Variants in TRPC6 observed in about 807,000 individuals in gnomAD.
TRPC6 encodes the protein transient receptor potential cation channel subfamily C member 6, also known as short transient receptor potential channel 6.
TRPC6 carries 55 observed loss-of-function variants against 90.7 expected under a neutral mutation model. That is an observed-to-expected ratio of 0.61 (90% CI 0.49 to 0.76). The LOEUF is 0.76. Ranked by LOEUF, TRPC6 falls within the 30% of genes least tolerant of loss-of-function variation. The pLI, the probability that TRPC6 is intolerant of heterozygous loss-of-function variation, is 0.00. For missense variants in TRPC6, 989 were observed against 1,122.7 expected (o/e 0.88, Z 1.70); for synonymous variants, 393 against 393.0 (o/e 1.00, Z 0.00).
At chr11:101,566,565 G>T (rs73584483) in intron 1 of TRPC6, among the ~76,000 whole-genome samples, 4,371 of 152,188 alleles carry the variant, frequency 0.029, 118 homozygotes, top group African/African-American at 0.069. Context: ...TATCACCCAG[G>T]TCTTATTACT....
At chr11:101,509,802 T>C (rs1157897774) in intron 1 of TRPC6, among the ~76,000 whole-genome samples, 2 of 152,162 alleles carry the variant, frequency 1.3e-5, no homozygotes, top group Non-Finnish European at 2.9e-5. Flanking sequence ...AATTTTTAGA[T>C]ACATTTTTAT....
At chr11:101,478,487 T>C (rs1859466542) in intron 5 of TRPC6, among the ~76,000 whole-genome samples, 2 of 152,192 alleles carry the variant, frequency 1.3e-5, no homozygotes, top group African/African-American at 4.8e-5. Flanking sequence ...CCTCCCACTT[T>C]TCCATTTTCT....
Position 101,452,906 on chromosome 11 carries a change from A to G in TRPC6, c.*49T>C, listed in dbSNP as rs200164641. On this transcript the variant is annotated 3_prime_UTR_variant, in exon 13 of 13. Transcript: ENST00000344327. The stretch of plus-strand genomic sequence containing the variant: ...TTAAGAAAATAAATCAGAAAATAAT[A>G]TGGCTTCAAGTGGACAAATAAATAT... The G allele has an allele frequency of 7.5e-6, 12 of 1,606,812 alleles. No individual in the cohort carries two copies. The highest frequency in any genetic ancestry group is 1.1e-5 in the South Asian group (1 of 90,596).
intron 5 of TRPC6, among the ~76,000 whole-genome samples, chr11:101,479,735 A>G (rs946865634): frequency 6.6e-6 from 1 of 152,224 alleles, no homozygotes; most frequent in Non-Finnish European, 1.5e-5. Context: ...CCCTTTAAAT[A>G]AACAGTGTTA....
rs200907025 is a variant in TRPC6, at chr11:101,452,102, T to C, written c.*853A>G. The C allele has an allele frequency of 2.0e-5, 3 of 152,188 alleles. No individual in the cohort carries two copies. The highest frequency in any genetic ancestry group is 2.9e-5 in the Non-Finnish European group (2 of 68,026). 9.4% of individuals were successfully genotyped at this position (152,188 alleles called of 1,614,324 possible). On this transcript the variant is annotated 3_prime_UTR_variant, in exon 13 of 13. Coordinates refer to ENST00000344327, the MANE Select transcript of TRPC6 (RefSeq NM_004621.6). Reference sequence around the variant, plus strand: ...CCAGAAATGGCACAAAATTGTGCTATAATGGAACCAAACAACCACAGTGTT... The same window carrying C: ...CCAGAAATGGCACAAAATTGTGCTACAATGGAACCAAACAACCACAGTGTT...
At chr11:101,501,939 A>G (rs893616610) in intron 2 of TRPC6, among the ~76,000 whole-genome samples, 1 of 152,172 alleles carries the variant, frequency 6.6e-6, no homozygotes, top group Non-Finnish European at 1.5e-5. Context: ...AAATACATTT[A>G]TGTTTTCAGT....
intron 1 of TRPC6, among the ~76,000 whole-genome samples, chr11:101,580,200 G>T (rs1565255618): frequency 6.6e-6 from 1 of 152,068 alleles, no homozygotes; most frequent in Non-Finnish European, 1.5e-5. Flanking sequence ...CAGATCCTGA[G>T]ATTTTAGAAA....
rs757404318 is a variant in TRPC6 at position 101,548,476 on chromosome 11, A to ATCTC, written c.170+34854_170+34857dup. ...TATACTGATATATATATATATATAT[A>ATCTC]TCTCTCTCTCTCTCTCTGTCTCTCA... On this transcript the variant is annotated intron_variant, in intron 1 of 12. Coordinates refer to ENST00000344327, the MANE Select transcript of TRPC6 (RefSeq NM_004621.6). 7.8e-3 allele frequency among the ~76,000 whole-genome samples: 879 copies of ATCTC among 112,090 alleles called. 19 individuals are homozygous for ATCTC. The highest frequency in any genetic ancestry group is 0.049 in the South Asian group (201 of 4,074). The allele number at this position is 112,090 out of a possible 152,430, so 73.5% of individuals were successfully genotyped here. A position where few individuals can be genotyped will look rare whatever the true frequency, so the allele number is the denominator to read the frequency against.
intron 1 of TRPC6, among the ~76,000 whole-genome samples, chr11:101,547,888 T>G (rs972745285): frequency 6.6e-6 from 1 of 152,066 alleles, no homozygotes; most frequent in East Asian, 1.9e-4. Flanking sequence ...TATAGCCAAC[T>G]AAGGAACACT....
intron 2 of TRPC6, among the ~76,000 whole-genome samples, chr11:101,502,774 A>C (rs1278394290): frequency 6.6e-6 from 1 of 152,114 alleles, no homozygotes; most frequent in African/African-American, 2.4e-5. Context: ...AGCCAAGCAC[A>C]TACTGAGCGT....
In TRPC6 at chr11:101,491,605, C is replaced by T. The variant is rs777715086; in HGVS notation, c.1079G>A (p.Arg360His). ...VETLQSGDHG[R>H]PNLSRLKLAI... is the part of the protein sequence containing the mutation. Reference sequence around the variant, plus strand: ...AAGTTTTAAACGGCTGAGATTTGGGCGACCGTGATCACCACTCTGGAGCGT... The same window carrying T: ...AAGTTTTAAACGGCTGAGATTTGGGTGACCGTGATCACCACTCTGGAGCGT... Residue 360 changes from arginine to histidine, a missense_variant, in exon 3 of 13, where the codon CGC becomes CAC. Physicochemically the swap from Arg to His is conservative, Grantham distance 29. Around this residue, in one of 4 missense-constraint regions of TRPC6, gnomAD observed 486 missense variants for 591.9 expected, o/e 0.82. Coordinates refer to ENST00000344327, the MANE Select transcript of TRPC6 (RefSeq NM_004621.6). 2.7e-5 allele frequency: 44 copies of T among 1,613,744 alleles called. No individual in the cohort carries two copies. Among genetic ancestry groups the T allele is most frequent in the Admixed American group, 5.0e-5 (3 of 59,968 alleles).
At chr11:101,543,125 A>G (rs1861214986) in intron 1 of TRPC6, among the ~76,000 whole-genome samples, 1 of 152,178 alleles carries the variant, frequency 6.6e-6, no homozygotes, top group Admixed American at 6.5e-5. Context: ...GAAAACATAC[A>G]TATGTGAATG....
chr11:101,583,452 C>CGCCCCGGGGAGAACT lies in TRPC6; in HGVS notation c.37_51dup (p.Ser13_Gly17dup), dbSNP rs1449121038. 6.5e-7 allele frequency: 1 copy of CGCCCCGGGGAGAACT among 1,535,986 alleles called. No homozygotes were observed. Among genetic ancestry groups the CGCCCCGGGGAGAACT allele is most frequent in the Non-Finnish European group, 8.8e-7 (1 of 1,140,040 alleles). ...TTGCGCCGCGCAGCGGCTCCGGCAG[C>CGCCCCGGGGAGAACT]GCCCCGGGGAGAACTGCCCCTCCGG... On this transcript the variant is annotated inframe_insertion, in exon 1 of 13. Coordinates refer to ENST00000344327, the MANE Select transcript of TRPC6 (RefSeq NM_004621.6).
intron 11 of TRPC6, among the ~76,000 whole-genome samples, chr11:101,454,512 C>T (rs910169125): frequency 6.6e-6 from 1 of 151,802 alleles, no homozygotes; most frequent in Non-Finnish European, 1.5e-5. Flanking sequence ...ATGATACATT[C>T]ACTGAAATTA....
At chr11:101,491,433 C>CA (rs71056610) in intron 3 of TRPC6, 123 bp downstream of exon 3, 54,693 of 1,082,910 alleles carry the variant, frequency 0.051, 2 homozygotes, top group East Asian at 0.097. Context: ...GACTCCATCT[C>CA]AAAAAAAAAA....
chr11:101,527,953 A>G (rs1047097035), intron 1 of TRPC6, among the ~76,000 whole-genome samples: 2 of 152,014 alleles, frequency 1.3e-5, no homozygotes, highest in African/African-American at 4.8e-5. Context: ...GGCACCTGTA[A>G]TCCCAGCTAC....
intron 1 of TRPC6, among the ~76,000 whole-genome samples, chr11:101,523,722 G>T (rs1457117825): frequency 6.6e-6 from 1 of 152,056 alleles, no homozygotes; most frequent in East Asian, 1.9e-4. Context: ...CCATTTCAGT[G>T]GTTCTACATT....
At chr11:101,506,170 A>G (rs1210564402) in intron 1 of TRPC6, among the ~76,000 whole-genome samples, 1 of 152,152 alleles carries the variant, frequency 6.6e-6, no homozygotes, top group Non-Finnish European at 1.5e-5. Flanking sequence ...TCTTACCAGT[A>G]TCACTAACTG....
intron 1 of TRPC6, among the ~76,000 whole-genome samples, chr11:101,519,397 C>T (rs530134697): frequency 3.3e-5 from 5 of 152,122 alleles, no homozygotes; most frequent in African/African-American, 7.2e-5. Context: ...AGGACCCTTC[C>T]AGTTAATACA....
Sources: gnomAD v4.1 joint callset for allele counts (sites outside exome capture counted in the v4.1 genomes callset) on GRCh38, gnomAD v4.1.1 for gene constraint, gnomAD v4.1.1 regional missense constraint, MANE v1.5 for transcripts, NCBI Gene and HGNC (gene_info 2026-07-23, HGNC 2026-07-21) for gene names.